The following RPS6KA3 variants were observed in gnomAD, a reference collection of about 807,000 sequenced individuals.
The protein encoded by RPS6KA3 is ribosomal protein S6 kinase alpha-3.
RPS6KA3 carries 4 observed loss-of-function variants against 67.2 expected under a neutral mutation model. The observed-to-expected ratio is 0.06, with a 90% CI of 0.03 to 0.14. The LOEUF (loss-of-function observed/expected upper bound fraction) is 0.14, where lower values mean the gene tolerates loss of function less well. RPS6KA3 is among the 10% of genes least tolerant of loss of function. The pLI is 1.00. For synonymous variants in RPS6KA3, 182 were observed against 183.7 expected, an observed-to-expected ratio of 0.99 and a Z score of 0.07; for missense variants, 204 against 559.0, an observed-to-expected ratio of 0.36 and a Z score of 6.40.
intron 10 of RPS6KA3, among the ~76,000 whole-genome samples, chrX:20,179,108 T>C (rs188261464): frequency 4.5e-5 from 5 of 111,379 alleles, no homozygotes; most frequent in Admixed American, 1.9e-4. Context: ...AATTCTGAGA[T>C]CGAATTTGGA....
chrX:20,260,773 T>C (rs1288739365), intron 1 of RPS6KA3, among the ~76,000 whole-genome samples: 1 of 111,364 alleles, frequency 9.0e-6, no homozygotes, highest in Non-Finnish European at 1.9e-5. Flanking sequence ...TCACCAAAAC[T>C]CTATGAGGTA....
chrX:20,222,795 C>T (rs1253810183), intron 2 of RPS6KA3, among the ~76,000 whole-genome samples: 1 of 111,779 alleles, frequency 8.9e-6, no homozygotes, highest in African/African-American at 3.2e-5. Flanking sequence ...AGAAAGCAGA[C>T]TAATTTATGC....
chrX:20,206,297 T>C (rs964646529), intron 3 of RPS6KA3, among the ~76,000 whole-genome samples: 2 of 112,263 alleles, frequency 1.8e-5, no homozygotes, highest in Non-Finnish European at 3.8e-5. Context: ...GTATTTATAG[T>C]ATGATATTTA....
chrX:20,238,519 C>T (rs1200612206), intron 1 of RPS6KA3, among the ~76,000 whole-genome samples: 1 of 106,779 alleles, frequency 9.4e-6, no homozygotes, highest in Non-Finnish European at 1.9e-5. Context: ...TCAGCCTCTT[C>T]ACTATTTTCA....
intron 7 of RPS6KA3, among the ~76,000 whole-genome samples, chrX:20,188,975 TG>T (rs781454115): frequency 6.2e-5 from 7 of 112,396 alleles, no homozygotes; most frequent in Admixed American, 2.8e-4. Context: ...GGTATCACTA[TG>T]TTGCCCAGGC....
Position 20,183,043 on chromosome X carries a change from A to G in RPS6KA3, c.845+3253T>C, listed in dbSNP as rs541451122. On this transcript the variant is annotated intron_variant, in intron 10 of 21. Coordinates refer to ENST00000379565, the MANE Select transcript of RPS6KA3 (RefSeq NM_004586.3). ...GATTAACGAGGTTGAGTATCTTTTC[A>G]TAAGTTTTTTGGCCATTGAATATCC... Among the ~76,000 whole-genome samples the G allele has an allele frequency of 6.3e-5, 7 of 110,934 alleles. No homozygotes were observed. In the South Asian group the frequency reaches 1.5e-3, roughly 24 times the overall value.
At chrX:20,180,718 C>A (rs2067822651) in intron 10 of RPS6KA3, among the ~76,000 whole-genome samples, 2 of 112,332 alleles carry the variant, frequency 1.8e-5, no homozygotes, top group Non-Finnish European at 1.9e-5. Flanking sequence ...GAGCTCCACC[C>A]TTCCTCAAAA....
At chrX:20,215,229 G>GTA (rs2068821134) in intron 2 of RPS6KA3, among the ~76,000 whole-genome samples, 1 of 110,900 alleles carries the variant, frequency 9.0e-6, no homozygotes, top group Non-Finnish European at 1.9e-5. Context: ...GTGTGTGTGT[G>GTA]TGTATGTGTG....
At chrX:20,241,274 G>C (rs1375348214) in intron 1 of RPS6KA3, among the ~76,000 whole-genome samples, 3 of 109,705 alleles carry the variant, frequency 2.7e-5, no homozygotes, top group Non-Finnish European at 5.7e-5. Flanking sequence ...TACCGTCTAA[G>C]GGGGATTCTG....
chrX:20,174,401 G>A (rs1481467987), intron 14 of RPS6KA3, among the ~76,000 whole-genome samples: 5 of 103,759 alleles, frequency 4.8e-5, no homozygotes, highest in Admixed American at 1.1e-4. Flanking sequence ...CCAGGCTGGA[G>A]TACAGTGGCG....
chrX:20,208,442 G>A (rs1166344253), intron 3 of RPS6KA3, among the ~76,000 whole-genome samples: 2 of 111,836 alleles, frequency 1.8e-5, no homozygotes, highest in Non-Finnish European at 3.8e-5. Flanking sequence ...TCGGCCGGGC[G>A]TGGTTGCTCA....
intron 10 of RPS6KA3, among the ~76,000 whole-genome samples, chrX:20,181,314 G>C (rs2067836772): frequency 1.8e-5 from 2 of 111,463 alleles, no homozygotes; most frequent in African/African-American, 6.5e-5. Flanking sequence ...AAGAAATCAT[G>C]TAAAAGAGAC....
At chrX:20,182,554 T>G in intron 10 of RPS6KA3, among the ~76,000 whole-genome samples, 1 of 112,500 alleles carries the variant, frequency 8.9e-6, no homozygotes. Flanking sequence ...CAACTTCTAT[T>G]GTATTCGACT....
intron 1 of RPS6KA3, among the ~76,000 whole-genome samples, chrX:20,242,049 A>G (rs1252620796): frequency 1.8e-5 from 2 of 111,927 alleles, no homozygotes; most frequent in Non-Finnish European, 3.8e-5. Flanking sequence ...ATCTAGAAAT[A>G]ACTGAGTAAA....
At chrX:20,259,679 G>C (rs1256628448) in intron 1 of RPS6KA3, among the ~76,000 whole-genome samples, 1 of 111,223 alleles carries the variant, frequency 9.0e-6, no homozygotes, top group Non-Finnish European at 1.9e-5. Context: ...TTCAATAGAT[G>C]GTTTACAAAA....
chrX:20,160,404 G>C (rs1191797378), intron 20 of RPS6KA3, among the ~76,000 whole-genome samples: 1 of 111,953 alleles, frequency 8.9e-6, no homozygotes, highest in African/African-American at 3.2e-5. Flanking sequence ...AAAAGGTAAA[G>C]GCTAACATTT....
chrX:20,205,946 A>T (rs2068564708), intron 3 of RPS6KA3, among the ~76,000 whole-genome samples: 1 of 112,513 alleles, frequency 8.9e-6, no homozygotes, highest in African/African-American at 3.2e-5. Flanking sequence ...CAGACCTACT[A>T]GGCAATGCCT....
intron 1 of RPS6KA3, among the ~76,000 whole-genome samples, chrX:20,257,021 G>T (rs1380341210): frequency 8.9e-6 from 1 of 112,332 alleles, no homozygotes; most frequent in African/African-American, 3.2e-5. Flanking sequence ...TTTGCAATCT[G>T]TGAGACTTGG....
intron 20 of RPS6KA3, among the ~76,000 whole-genome samples, chrX:20,157,341 T>G (rs1309633568): frequency 5.2e-4 from 2 of 3,857 alleles, no homozygotes; most frequent in East Asian, 0.4. Context: ...GTATCTACAA[T>G]TTTTTTTTTT....
Sources: allele counts gnomAD v4.1 joint callset (sites outside exome capture counted in the v4.1 genomes callset), GRCh38; gene constraint gnomAD v4.1.1; transcripts MANE v1.5; gene names NCBI Gene and HGNC (gene_info 2026-07-23, HGNC 2026-07-21).